KIRREL3: variants seen among roughly 807,000 people sequenced by gnomAD.
KIRREL3 encodes the protein kirre like nephrin family adhesion molecule 3.
Under a neutral mutation model 89.7 loss-of-function variants are expected in KIRREL3, and 36 were observed. That is an observed-to-expected ratio of 0.40 (90% confidence interval 0.31 to 0.53). KIRREL3 has a LOEUF of 0.53. KIRREL3 is among the 20% of genes least tolerant of loss of function. The pLI, the probability that KIRREL3 is intolerant of heterozygous loss-of-function variation, is 0.49. For synonymous variants in KIRREL3, 445 were observed against 441.4 expected, an observed-to-expected ratio of 1.01 and a Z score of -0.10; for missense variants, 864 against 1,056.6, an observed-to-expected ratio of 0.82 and a Z score of 2.53.
chr11:126,894,778 G>T (rs1439359878), intron 1 of KIRREL3, among the ~76,000 whole-genome samples: 2 of 151,850 alleles, frequency 1.3e-5, no homozygotes, highest in Non-Finnish European at 2.9e-5. Context: ...ATCGTGTTAA[G>T]TATAATAAAG....
Position 126,522,145 on chromosome 11 carries a change from C to T in KIRREL3, c.284-681G>A, listed in dbSNP as rs572924875. Among the ~76,000 whole-genome samples, 35 of 152,162 alleles carry T rather than the reference C, an allele frequency of 2.3e-4. No individual in the cohort carries two copies. The highest frequency in any genetic ancestry group is 6.8e-3 in the Middle Eastern group (2 of 294). The stretch of plus-strand genomic sequence containing the variant: ...GGAAATGCTAAGCGTGGACAGACAC[C>T]GCTGGCTTATTATTCTGGAAAGTGG... On this transcript the variant is annotated intron_variant, in intron 3 of 16. Coordinates refer to ENST00000525144, the MANE Select transcript of KIRREL3 (RefSeq NM_032531.4). The surrounding 1 kb of genome is among the most constrained non-coding windows in gnomAD (Gnocchi z 6.0).
chr11:126,522,828 C>T lies in KIRREL3; in HGVS notation c.284-1364G>A, dbSNP rs1213896852. ...TTCCCTTCTCTCCTCAGAGGCTGCC[C>T]TCGGCTTCCACTCCCCTCTGGCAGC... On this transcript the variant is annotated intron_variant, in intron 3 of 16. Coordinates refer to ENST00000525144, the MANE Select transcript of KIRREL3 (RefSeq NM_032531.4). This position sits in a 1 kb window ranked among gnomAD's most constrained non-coding sequence, Gnocchi z 6.0. 6.6e-6 allele frequency among the ~76,000 whole-genome samples: 1 copy of T among 152,190 alleles called. No homozygotes were observed. The highest frequency in any genetic ancestry group is 1.5e-5 in the Non-Finnish European group (1 of 68,042).
intron 1 of KIRREL3, among the ~76,000 whole-genome samples, chr11:126,831,942 A>G (rs1352002870): frequency 6.6e-6 from 1 of 152,248 alleles, no homozygotes; most frequent in Admixed American, 6.5e-5. Flanking sequence ...GAACTGGTTG[A>G]CACACAGATA....
At chr11:126,774,769 C>A (rs1950122069) in intron 1 of KIRREL3, among the ~76,000 whole-genome samples, 1 of 152,198 alleles carries the variant, frequency 6.6e-6, no homozygotes, top group East Asian at 1.9e-4. Context: ...CTCTTGGAGA[C>A]AGAGACGCTG....
chr11:126,654,167 C>T lies in KIRREL3; in HGVS notation c.56-91255G>A, dbSNP rs544144140. On this transcript the variant is annotated intron_variant, in intron 1 of 16. Transcript: ENST00000525144. ...TTCACAAGGCTGGTGAGCGAGGGCT[C>T]GTGGTTGGGACACCTGACAGGTGGC... Among the ~76,000 whole-genome samples the T allele has an allele frequency of 1.2e-3, 165 of 138,572 alleles. 6 individuals carry two copies. The South Asian group carries it at 0.033, about 28-fold the overall frequency. The allele number at this position is 138,572 out of a possible 152,430, so 90.9% of individuals were successfully genotyped here. A position where few individuals can be genotyped will look rare whatever the true frequency, so the allele number is the denominator to read the frequency against.
chr11:126,446,739 G>C lies in KIRREL3; in HGVS notation c.1125+20C>G. 1 of 1,591,228 alleles carries C rather than the reference G, an allele frequency of 6.3e-7. No homozygotes were observed. Among genetic ancestry groups the C allele is most frequent in the South Asian group, 1.1e-5 (1 of 87,112 alleles). ...CCGCCCCCTGCCAGAGGTGCCCCGA[G>C]GTCTGAGCTGCAGCCTCACCACTCC... On this transcript the variant is annotated intron_variant, in intron 9 of 16. Transcript: ENST00000525144.
rs1193650548 is a variant in KIRREL3, at chr11:126,953,070, C to T, written c.55+47385G>A. On this transcript the variant is annotated intron_variant, in intron 1 of 16. Coordinates refer to ENST00000525144, the MANE Select transcript of KIRREL3 (RefSeq NM_032531.4). This position sits in a 1 kb window ranked among gnomAD's most constrained non-coding sequence, Gnocchi z 5.2. ...GCAGCACTGTTCACAATAACAAAGA[C>T]TTGGAACCAATCCAAATGCCCATCA... Among the ~76,000 whole-genome samples the T allele has an allele frequency of 6.6e-6, 1 of 152,198 alleles. No individual in the cohort carries two copies. The highest frequency in any genetic ancestry group is 2.4e-5 in the African/African-American group (1 of 41,438).
chr11:126,801,187 C>T (rs1951021242), intron 1 of KIRREL3, among the ~76,000 whole-genome samples: 1 of 152,206 alleles, frequency 6.6e-6, no homozygotes, highest in African/African-American at 2.4e-5. Flanking sequence ...TTTTACATTT[C>T]AATTTTTATG....
rs1356232045 is a variant in KIRREL3, at chr11:126,676,492, G to A, written c.56-113580C>T. ...TCTTTGACCAGTGTTTCTCAAATTT[G>A]CACCTGCAGATGTTGTATTGTTTTG... On this transcript the variant is annotated intron_variant, in intron 1 of 16. Transcript: ENST00000525144. This position sits in a 1 kb window ranked among gnomAD's most constrained non-coding sequence, Gnocchi z 4.5. Among the ~76,000 whole-genome samples the A allele has an allele frequency of 6.6e-6, 1 of 152,132 alleles. No homozygotes were observed. The highest frequency in any genetic ancestry group is 1.5e-5 in the Non-Finnish European group (1 of 68,018).
At chr11:126,712,169 CAG>C (rs1011553005) in intron 1 of KIRREL3, among the ~76,000 whole-genome samples, 33 of 151,780 alleles carry the variant, frequency 2.2e-4, no homozygotes, top group African/African-American at 7.5e-4. Context: ...TCTGGTGAGT[CAG>C]AGTTTGTTTG....
chr11:126,748,659 G>A lies in KIRREL3; in HGVS notation c.56-185747C>T, dbSNP rs1949236132. Among the ~76,000 whole-genome samples the A allele has an allele frequency of 6.6e-6, 1 of 152,136 alleles. No individual in the cohort carries two copies. The highest frequency in any genetic ancestry group is 6.5e-5 in the Admixed American group (1 of 15,272). On this transcript the variant is annotated intron_variant, in intron 1 of 16. Transcript: ENST00000525144. The surrounding 1 kb of genome is among the most constrained non-coding windows in gnomAD (Gnocchi z 4.6). ...AAGGGGGCAGGGGCAGGAAGGCCAA[G>A]GCTGATTCGGCCTTGGTCTGGCAAG...
intron 1 of KIRREL3, among the ~76,000 whole-genome samples, chr11:126,869,426 T>C (rs1045147653): frequency 1.3e-5 from 2 of 152,170 alleles, no homozygotes; most frequent in African/African-American, 4.8e-5. Flanking sequence ...GGATCACCTC[T>C]GACATGAGTT....
chr11:126,798,656 GC>G (rs1196986983), intron 1 of KIRREL3, among the ~76,000 whole-genome samples: 1 of 152,184 alleles, frequency 6.6e-6, no homozygotes, highest in Non-Finnish European at 1.5e-5. Context: ...ACTGTGGCCT[GC>G]CCTTCCAGGT....
At position 126,858,421 on chromosome 11, in the gene KIRREL3, G is replaced by T. The variant is rs560595816; in HGVS notation, c.55+142034C>A. On this transcript the variant is annotated intron_variant, in intron 1 of 16. Coordinates refer to ENST00000525144, the MANE Select transcript of KIRREL3 (RefSeq NM_032531.4). ...AGAAAGGCTGGGATGATGTGGCAGG[G>T]TGCATATGCTTGCCATTGGGTGCTG... Among the ~76,000 whole-genome samples, 4 of 152,282 alleles carry T rather than the reference G, an allele frequency of 2.6e-5. No homozygotes were observed. The South Asian group carries it at 8.3e-4, about 32-fold the overall frequency.
At position 126,499,702 on chromosome 11, in the gene KIRREL3, T is replaced by A. The variant is rs562234600; in HGVS notation, c.433+21613A>T. ...CTTTGATTTTGTTGCTATGATTACG[T>A]TTTCATTTTCCAGCTGCTAAAATCC... On this transcript the variant is annotated intron_variant, in intron 4 of 16. Transcript: ENST00000525144. Among the ~76,000 whole-genome samples the A allele has an allele frequency of 3.9e-5, 6 of 152,292 alleles. No individual in the cohort carries two copies. The East Asian group carries it at 1.2e-3, about 29-fold the overall frequency.
chr11:126,621,469 C>T (rs1317139748), intron 1 of KIRREL3, among the ~76,000 whole-genome samples: 3 of 152,090 alleles, frequency 2.0e-5, no homozygotes, highest in Admixed American at 1.3e-4. Context: ...AGAGTGATAG[C>T]CTAATGGTAA....
Position 126,923,187 on chromosome 11 carries a change from C to CTTT in KIRREL3, c.55+77267_55+77268insAAA, listed in dbSNP as rs1555090325. Among the ~76,000 whole-genome samples, 187 of 23,842 alleles carry CTTT rather than the reference C, an allele frequency of 7.8e-3. 49 individuals carry two copies. The highest frequency in any genetic ancestry group is 0.013 in the South Asian group (6 of 454). The allele number at this position is 23,842 out of a possible 152,430, so 15.6% of individuals were successfully genotyped here. A position where few individuals can be genotyped will look rare whatever the true frequency, so the allele number is the denominator to read the frequency against. On this transcript the variant is annotated intron_variant, in intron 1 of 16. Transcript: ENST00000525144. ...TTCTTCTTCTTCTTCTCTTCTTCTTCTCTTCTTCTTCTTCTTCTTCTTCTT... is the reference window on the plus strand; with the variant it reads ...TTCTTCTTCTTCTTCTCTTCTTCTTCTTTTCTTCTTCTTCTTCTTCTTCTTCTT...
intron 8 of KIRREL3, among the ~76,000 whole-genome samples, chr11:126,448,633 G>A (rs2134202271): frequency 6.6e-6 from 1 of 152,282 alleles, no homozygotes. Flanking sequence ...TTGGAATAAA[G>A]GCCCCAAGAG....
rs944341930 is a variant in KIRREL3 at position 126,879,168 on chromosome 11, A to G, written c.55+121287T>C. 1.3e-5 allele frequency among the ~76,000 whole-genome samples: 2 copies of G among 152,212 alleles called. No homozygotes were observed. The highest frequency in any genetic ancestry group is 4.8e-5 in the African/African-American group (2 of 41,456). On this transcript the variant is annotated intron_variant, in intron 1 of 16. Coordinates refer to ENST00000525144, the MANE Select transcript of KIRREL3 (RefSeq NM_032531.4). The surrounding 1 kb of genome is among the most constrained non-coding windows in gnomAD (Gnocchi z 5.4). ...AGCTAAATGTAAAGAGGGAAACTGGAGCTCATCACGGAGGTAATGTACAGG... is the reference window on the plus strand; with the variant it reads ...AGCTAAATGTAAAGAGGGAAACTGGGGCTCATCACGGAGGTAATGTACAGG...
Sources: allele counts gnomAD v4.1 joint callset (sites outside exome capture counted in the v4.1 genomes callset), GRCh38; gene constraint gnomAD v4.1.1; non-coding constraint Gnocchi (gnomAD v3.1); transcripts MANE v1.5; gene names NCBI Gene and HGNC (gene_info 2026-07-23, HGNC 2026-07-21).